The following TRPM8 variants were observed in gnomAD, a reference collection of about 807,000 sequenced individuals.
TRPM8 encodes TRPM8 cationic channel.
In TRPM8, 110 loss-of-function variants were observed where a neutral mutation model predicts 133.7. The observed-to-expected ratio is 0.82, with a 90% CI of 0.70 to 0.96. TRPM8 has a LOEUF of 0.96. Ranked by LOEUF, TRPM8 falls within the 40% of genes least tolerant of loss-of-function variation. The pLI is 0.00. For synonymous variants in TRPM8, 535 were observed against 532.3 expected (o/e 1.01, Z -0.07); for missense variants, 1,291 against 1,379.5 (o/e 0.94, Z 1.02).
Position 233,967,426 on chromosome 2 carries a change from G to C in TRPM8, c.2025+671G>C, listed in dbSNP as rs536180850. On this transcript the variant is annotated intron_variant, in intron 15 of 25. Transcript: ENST00000324695. ...GAGATGGAGAGACCAACGCTTGTCA[G>C]CCACAGCTGCTATACACTAGGCCAC... Among the ~76,000 whole-genome samples the C allele has an allele frequency of 2.0e-4, 30 of 152,322 alleles. No individual in the cohort carries two copies. The South Asian group carries it at 6.2e-3, about 32-fold the overall frequency.
At chr2:233,926,774 T>C (rs1427420049) in intron 2 of TRPM8, 120 bp downstream of exon 2, 2 of 748,556 alleles carry the variant, frequency 2.7e-6, no homozygotes, top group Middle Eastern at 2.9e-4. Context: ...AAAATTCCTT[T>C]CACTACTTAA....
chr2:234,003,207 T>C (rs1437705036), intron 22 of TRPM8, among the ~76,000 whole-genome samples: 1 of 152,192 alleles, frequency 6.6e-6, no homozygotes, highest in East Asian at 1.9e-4. Context: ...AGAATATAAA[T>C]GTATTCACGA....
intron 17 of TRPM8, among the ~76,000 whole-genome samples, chr2:233,971,816 G>A (rs948587101): frequency 1.3e-5 from 2 of 152,112 alleles, no homozygotes; most frequent in African/African-American, 2.4e-5. Flanking sequence ...TAGAGCGAAA[G>A]AACAAAGCTT....
intron 13 of TRPM8, 108 bp from the exon 14 acceptor site, chr2:233,964,520 C>T: frequency 2.9e-6 from 3 of 1,037,954 alleles, no homozygotes; most frequent in Non-Finnish European, 3.7e-6. Context: ...CCACAGCACT[C>T]CAGCCTGGGT....
At chr2:233,972,649 T>C (rs1354499640) in intron 17 of TRPM8, among the ~76,000 whole-genome samples, 1 of 152,176 alleles carries the variant, frequency 6.6e-6, no homozygotes, top group African/African-American at 2.4e-5. Context: ...AGAAATTGAG[T>C]GCAGCGCCGG....
chr2:233,973,053 C>T (rs1024656266), intron 17 of TRPM8, among the ~76,000 whole-genome samples: 2 of 152,250 alleles, frequency 1.3e-5, no homozygotes, highest in East Asian at 3.9e-4. Context: ...GTAAATGACT[C>T]ATGTCAGTGT....
rs918302582 is a variant in TRPM8 at position 234,006,742 on chromosome 2, C to T, written c.3131-111C>T. ...ATCAGTCAAACCAGCCTGTGCAGGA[C>T]GAATCTCATTCTTAGTTCTAGAGTC... is the stretch of plus-strand genomic sequence containing the variant. On this transcript the variant is annotated intron_variant, in intron 22 of 25. Coordinates refer to ENST00000324695, the MANE Select transcript of TRPM8 (RefSeq NM_024080.5). 81 of 737,930 alleles carry T rather than the reference C, an allele frequency of 1.1e-4. No homozygotes were observed. The Middle Eastern group carries it at 1.7e-3, about 15-fold the overall frequency. 45.7% of individuals were successfully genotyped at this position (737,930 alleles called of 1,614,324 possible). A position where few individuals can be genotyped will look rare whatever the true frequency, so the allele number is the denominator to read the frequency against.
In TRPM8 at chr2:233,939,014, G is replaced by A. The variant is rs781045036; in HGVS notation, c.365G>A (p.Cys122Tyr). 4 of 1,614,070 alleles carry A rather than the reference G, an allele frequency of 2.5e-6. No homozygotes were observed. The South Asian group carries it at 3.3e-5, about 13-fold the overall frequency. Residue 122 changes from cysteine to tyrosine, a missense_variant, in exon 5 of 26, where the codon TGC becomes TAC. Around this residue, in one of 2 missense-constraint regions of TRPM8, gnomAD observed 963 missense variants for 968.9 expected, o/e 0.99. Transcript: ENST00000324695. ...TCCCCATAGTATATACGTCTGTCCT[G>A]CGACACGGACGCGGAAATCCTTTAC... ...GKKGKYIRLS[C>Y]DTDAEILYEL...
intron 25 of TRPM8, among the ~76,000 whole-genome samples, chr2:234,015,764 A>G (rs759343600): frequency 3.9e-5 from 6 of 152,206 alleles, no homozygotes; most frequent in Non-Finnish European, 7.3e-5. Flanking sequence ...GCTCAAGAAA[A>G]TAAGCCTTGC....
chr2:233,999,162 G>A (rs1692485120), intron 22 of TRPM8, among the ~76,000 whole-genome samples: 1 of 152,032 alleles, frequency 6.6e-6, no homozygotes, highest in South Asian at 2.1e-4. Context: ...GGCAGGGCAG[G>A]GCAGGGCAGA....
In TRPM8 at chr2:233,960,797, A is replaced by T; in HGVS notation, c.1384A>T (p.Met462Leu). 6.2e-7 allele frequency: 1 copy of T among 1,614,084 alleles called. No homozygotes were observed. ...RWESADLQEVMFTALIKDRPK... is the reference protein window; with the variant it reads ...RWESADLQEVLFTALIKDRPK... ...TTAGTCTGCTGACCTTCAAGAAGTCATGTTTACGGCTCTCATAAAGGACAG... is the reference window on the plus strand; with the variant it reads ...TTAGTCTGCTGACCTTCAAGAAGTCTTGTTTACGGCTCTCATAAAGGACAG... The change falls in exon 12 of 26, where the codon ATG (methionine) becomes TTG (leucine). Residue 462 changes from methionine to leucine, a missense_variant. By Grantham distance (15) the Met-to-Leu change is conservative. This residue lies in a region of TRPM8 where 963 missense variants were observed against 968.9 expected (regional missense o/e 0.99). Coordinates refer to ENST00000324695, the MANE Select transcript of TRPM8 (RefSeq NM_024080.5).
chr2:233,990,424 T>C (rs894309735), intron 21 of TRPM8, among the ~76,000 whole-genome samples: 1 of 152,194 alleles, frequency 6.6e-6, no homozygotes, highest in Non-Finnish European at 1.5e-5. Context: ...TCTCCCTTTA[T>C]GGGAAATTTG....
At chr2:234,013,321 T>G (rs1362995954) in intron 24 of TRPM8, 1 of 152,206 alleles carries the variant, frequency 6.6e-6, no homozygotes, top group Non-Finnish European at 1.5e-5. Flanking sequence ...ATTTGTTGTT[T>G]GTCTGTTCAG....
chr2:233,964,615 C>A lies in TRPM8; in HGVS notation c.1750-13C>A, dbSNP rs747631146. On this transcript the variant is annotated splice_polypyrimidine_tract_variant and intron_variant, in intron 13 of 25. Coordinates refer to ENST00000324695, the MANE Select transcript of TRPM8 (RefSeq NM_024080.5). Reference sequence around the variant, plus strand: ...AAAGAATTAACCTTAAAATTCTTCACCCCCCTAAAAAGACCAGGGGCTGCA... The same window carrying A: ...AAAGAATTAACCTTAAAATTCTTCAACCCCCTAAAAAGACCAGGGGCTGCA... 3 of 1,484,930 alleles carry A rather than the reference C, an allele frequency of 2.0e-6. No homozygotes were observed. Among genetic ancestry groups the A allele is most frequent in the Non-Finnish European group, 2.7e-6 (3 of 1,112,862 alleles). The allele number at this position is 1,484,930 out of a possible 1,614,324, so 92.0% of individuals were successfully genotyped here. A position where few individuals can be genotyped will look rare whatever the true frequency, so the allele number is the denominator to read the frequency against.
At chr2:233,958,574 A>G (rs1264850395) in intron 11 of TRPM8, among the ~76,000 whole-genome samples, 1 of 152,222 alleles carries the variant, frequency 6.6e-6, no homozygotes, top group Non-Finnish European at 1.5e-5. Flanking sequence ...GCCCTATGCT[A>G]GCAAGTGTGT....
chr2:234,005,410 C>T (rs1267118355), intron 22 of TRPM8, among the ~76,000 whole-genome samples: 1 of 152,160 alleles, frequency 6.6e-6, no homozygotes, highest in East Asian at 1.9e-4. Context: ...GTCATCCTTG[C>T]TCTCTGGCTG....
chr2:233,929,671 G>A lies in TRPM8; in HGVS notation c.118-997G>A, dbSNP rs1691643905. 3 of 152,358 alleles carry A rather than the reference G, an allele frequency of 2.0e-5. No homozygotes were observed. The South Asian group carries it at 6.2e-4, about 32-fold the overall frequency. The allele number at this position is 152,358 out of a possible 1,614,324, so 9.4% of individuals were successfully genotyped here. ...GAGGCTGAATATTTATCGCCAGGCA[G>A]CTTTGCCAGGCATTCTGGGTGTGCA... On this transcript the variant is annotated intron_variant, in intron 2 of 25. Transcript: ENST00000324695.
intron 17 of TRPM8, among the ~76,000 whole-genome samples, chr2:233,973,069 A>G (rs923140465): frequency 2.6e-5 from 4 of 152,240 alleles, no homozygotes; most frequent in Non-Finnish European, 5.9e-5. Context: ...AGTGTTGAAC[A>G]GCAGGATTAT....
Position 233,964,691 on chromosome 2 carries a change from A to C in TRPM8, c.1813A>C (p.Lys605Gln). 6.2e-7 allele frequency: 1 copy of C among 1,612,882 alleles called. No homozygotes were observed. The highest frequency in any genetic ancestry group is 8.5e-7 in the Non-Finnish European group (1 of 1,179,228). Residue 605 changes from lysine (K) to glutamine (Q), a missense_variant, in exon 14 of 26, where the codon AAG becomes CAG. Physicochemically the swap from Lys to Gln is moderately conservative, Grantham distance 53 (BLOSUM62 1). Coordinates refer to ENST00000324695, the MANE Select transcript of TRPM8 (RefSeq NM_024080.5). The part of the protein sequence containing the change: ...SKLLKTLAKV[K>Q]NDINAAGESE... Reference sequence around the variant, plus strand: ...GCTTCTGAAGACTCTGGCCAAAGTGAAGAACGACATCAATGCTGCTGGGGA... The same window carrying C: ...GCTTCTGAAGACTCTGGCCAAAGTGCAGAACGACATCAATGCTGCTGGGGA...
Sources: allele counts gnomAD v4.1 joint callset (sites outside exome capture counted in the v4.1 genomes callset), GRCh38; gene constraint gnomAD v4.1.1; regional missense constraint gnomAD v4.1.1; transcripts MANE v1.5; gene names NCBI Gene and HGNC (gene_info 2026-07-23, HGNC 2026-07-21).